The following C12orf56 variants were observed in gnomAD, a reference collection of about 807,000 sequenced individuals.
C12orf56 encodes the protein chromosome 12 open reading frame 56.
A neutral mutation model predicts 69.9 loss-of-function variants in C12orf56; 71 were observed. That is an observed-to-expected ratio of 1.02 (90% CI 0.84 to 1.24). C12orf56 has a LOEUF of 1.24. Ranked by LOEUF, C12orf56 falls within the 50% of genes most tolerant of loss-of-function variation. The probability of loss-of-function intolerance (pLI) is 0.00; values close to 1 mark genes in which losing one functional copy is unlikely to be tolerated. For missense variants in C12orf56, 732 were observed against 738.5 expected (o/e 0.99, Z 0.10); for synonymous variants, 276 against 274.1 (o/e 1.01, Z -0.07).
chr12:64,331,682 A>T (rs1328619601), intron 2 of C12orf56, among the ~76,000 whole-genome samples: 1 of 152,136 alleles, frequency 6.6e-6, no homozygotes, highest in Non-Finnish European at 1.5e-5. Flanking sequence ...CCATGTGAGC[A>T]TGCAGCAAGA....
intron 1 of C12orf56, among the ~76,000 whole-genome samples, chr12:64,376,425 G>C (rs887716849): frequency 6.6e-6 from 1 of 152,184 alleles, no homozygotes; most frequent in South Asian, 2.1e-4. Context: ...AATGAATAAA[G>C]ATGTGTTTGA....
chr12:64,312,498 A>T (rs1048588409), intron 5 of C12orf56, among the ~76,000 whole-genome samples, 181 bp downstream of exon 5: 1 of 152,166 alleles, frequency 6.6e-6, no homozygotes, highest in Non-Finnish European at 1.5e-5. Context: ...AGTGCTAGCT[A>T]CTTAGGAGGC....
chr12:64,308,925 A>AAAGG (rs2038558594), intron 5 of C12orf56, among the ~76,000 whole-genome samples: 1 of 54,672 alleles, frequency 1.8e-5, no homozygotes, highest in Non-Finnish European at 3.6e-5. Context: ...AGAAAGAAAG[A>AAAGG]AAGAAAGAAA....
At chr12:64,337,362 T>G (rs1274923051) in intron 2 of C12orf56, among the ~76,000 whole-genome samples, 2 of 152,202 alleles carry the variant, frequency 1.3e-5, no homozygotes, top group Non-Finnish European at 2.9e-5. Flanking sequence ...AAGACTGCCC[T>G]AACTTCAGAT....
At chr12:64,376,992 G>C (rs940521958) in intron 1 of C12orf56, among the ~76,000 whole-genome samples, 2 of 151,766 alleles carry the variant, frequency 1.3e-5, no homozygotes, top group African/African-American at 4.8e-5. Context: ...ATTGTAAAAG[G>C]GTTCCTTTTT....
chr12:64,351,344 T>A (rs1317967133), intron 2 of C12orf56, among the ~76,000 whole-genome samples: 1 of 152,110 alleles, frequency 6.6e-6, no homozygotes. Context: ...TGCAGACACA[T>A]TTTTGTCCCA....
intron 1 of C12orf56, chr12:64,389,056 T>C (rs2135994225): frequency 6.6e-6 from 1 of 152,108 alleles, no homozygotes; most frequent in Non-Finnish European, 1.5e-5. Flanking sequence ...AAGCCATGAC[T>C]CCTCAGCAAA....
At chr12:64,304,136 A>G (rs117839810) in intron 5 of C12orf56, among the ~76,000 whole-genome samples, 53 of 152,234 alleles carry the variant, frequency 3.5e-4, no homozygotes, top group Non-Finnish European at 6.9e-4. Context: ...AGAAGTTTAT[A>G]AAGAAAATGT....
intron 6 of C12orf56, among the ~76,000 whole-genome samples, chr12:64,293,709 AAC>A (rs1291327085): frequency 6.6e-6 from 1 of 152,222 alleles, no homozygotes. Context: ...ATCTACCTGA[AAC>A]AACATGGAAG....
chr12:64,331,948 T>TA (rs55845408), intron 2 of C12orf56, among the ~76,000 whole-genome samples: 39,292 of 134,932 alleles, frequency 0.29, 5,461 homozygotes, highest in East Asian at 0.5. Flanking sequence ...TATCCTTAAA[T>TA]AAAAAAAAAA....
At chr12:64,315,109 G>A (rs1241219944) in intron 4 of C12orf56, among the ~76,000 whole-genome samples, 4 of 150,586 alleles carry the variant, frequency 2.7e-5, no homozygotes, top group East Asian at 3.9e-4. Flanking sequence ...CCACCACCAC[G>A]GCCAGCCAAT....
chr12:64,352,849 CT>C (rs374374909), intron 2 of C12orf56, 44 bp downstream of exon 2: 16,163 of 1,253,104 alleles, frequency 0.013, 13 homozygotes, highest in South Asian at 0.031. Flanking sequence ...TATATATATA[CT>C]TTTTTTTTTG....
In C12orf56 at chr12:64,390,542, G is replaced by C; in HGVS notation, c.24C>G (p.Gly8=). The C allele has an allele frequency of 3.1e-6, 5 of 1,594,916 alleles. No individual in the cohort carries two copies. The highest frequency in any genetic ancestry group is 4.2e-6 in the Non-Finnish European group (5 of 1,177,396). The change falls in exon 1 of 13, where the codon GGC becomes GGG. Residue 8 remains glycine, a synonymous_variant. Coordinates refer to ENST00000543942, the MANE Select transcript of C12orf56 (RefSeq NM_001170633.2). The part of the protein sequence containing the change: MASPLPS[G]FPARRNSRLD... ...GGCGGCTGTTCCTGCGCGCGGGGAA[G>C]CCGGACGGCAAGGGGCTGGCCATGC...
At chr12:64,311,431 CAGAA>C (rs1415100004) in intron 5 of C12orf56, among the ~76,000 whole-genome samples, 3 of 149,114 alleles carry the variant, frequency 2.0e-5, no homozygotes, top group African/African-American at 4.9e-5. Context: ...AAAACAAAAA[CAGAA>C]AGAAAAAAAA....
At position 64,313,274 on chromosome 12, in the gene C12orf56, A is replaced by AAAAG. The variant is rs760452951; in HGVS notation, c.895-526_895-523dup. ...GAGACTCTGTCTCAAAAAAAAAAAAAAAAGAAAGAAAGAAAGAAAGAAAGA... is the reference window on the plus strand; with the variant it reads ...GAGACTCTGTCTCAAAAAAAAAAAAAAAAGAAAGAAAGAAAGAAAGAAAGAAAGA... On this transcript the variant is annotated intron_variant, in intron 4 of 12. Transcript: ENST00000543942. Among the ~76,000 whole-genome samples, 452 of 81,308 alleles carry AAAAG rather than the reference A, an allele frequency of 5.6e-3. 13 individuals carry two copies. The highest frequency in any genetic ancestry group is 7.9e-3 in the South Asian group (15 of 1,896). The allele number at this position is 81,308 out of a possible 152,430, so 53.3% of individuals were successfully genotyped here. A position where few individuals can be genotyped will look rare whatever the true frequency, so the allele number is the denominator to read the frequency against.
intron 1 of C12orf56, among the ~76,000 whole-genome samples, chr12:64,379,809 C>T (rs12316481): frequency 0.29 from 43,071 of 150,024 alleles, 6,505 homozygotes; most frequent in East Asian, 0.59. Flanking sequence ...ATAAGCCGGG[C>T]GCAGTGGCTC....
At position 64,390,303 on chromosome 12, in the gene C12orf56, G is replaced by C; in HGVS notation, c.252+11C>G. ...CGCTCCCGAGCCCGCCTGCCCACCC[G>C]CGCCGCTCACCAGGTCAATGGCCAC... On this transcript the variant is annotated intron_variant, in intron 1 of 12. Coordinates refer to ENST00000543942, the MANE Select transcript of C12orf56 (RefSeq NM_001170633.2). 6.3e-7 allele frequency: 1 copy of C among 1,596,230 alleles called. No homozygotes were observed. Among genetic ancestry groups the C allele is most frequent in the African/African-American group, 1.3e-5 (1 of 74,522 alleles).
chr12:64,353,996 A>G (rs1002718466), intron 1 of C12orf56, among the ~76,000 whole-genome samples: 13 of 152,140 alleles, frequency 8.5e-5, no homozygotes, highest in African/African-American at 3.1e-4. Context: ...CCATTTTAAA[A>G]ATAATTTTTT....
rs956004886 is a variant in C12orf56, at chr12:64,265,781, T to C, written c.*1402A>G. 1 of 152,274 alleles carries C rather than the reference T, an allele frequency of 6.6e-6. No homozygotes were observed. The highest frequency in any genetic ancestry group is 2.4e-5 in the African/African-American group (1 of 41,480). 9.4% of individuals were successfully genotyped at this position (152,274 alleles called of 1,614,324 possible). On this transcript the variant is annotated 3_prime_UTR_variant, in exon 13 of 13. Transcript: ENST00000543942. ...AGTTGAATGGAGAGTCCAGTTCCTA[T>C]GTTCTTAGAAGTCCAAATTCAACAC...
Sources: allele counts gnomAD v4.1 joint callset (sites outside exome capture counted in the v4.1 genomes callset), GRCh38; gene constraint gnomAD v4.1.1; transcripts MANE v1.5; gene names NCBI Gene and HGNC (gene_info 2026-07-23, HGNC 2026-07-21).